Variants in XRCC4 observed in about 807,000 individuals in gnomAD.
XRCC4 encodes X-ray repair cross complementing 4.
In XRCC4, 28 loss-of-function variants were observed where a neutral mutation model predicts 39.1. The ratio of observed to expected loss-of-function variants is 0.72; its 90% CI spans 0.53 to 0.98. XRCC4 has a LOEUF of 0.98. Ranked by LOEUF, XRCC4 falls within the 50% of genes least tolerant of loss-of-function variation. The probability of loss-of-function intolerance (pLI) is 0.00; values close to 1 mark genes in which losing one functional copy is unlikely to be tolerated. For missense variants in XRCC4, 350 were observed against 376.4 expected, an observed-to-expected ratio of 0.93 and a Z score of 0.58; for synonymous variants, 123 against 126.4, an observed-to-expected ratio of 0.97 and a Z score of 0.18.
intron 7 of XRCC4, among the ~76,000 whole-genome samples, chr5:83,333,337 T>C (rs138196256): frequency 2.0e-5 from 3 of 152,230 alleles, no homozygotes; most frequent in African/African-American, 7.2e-5. Flanking sequence ...ATACTTTCAA[T>C]GTGTGAGTTA....
intron 7 of XRCC4, among the ~76,000 whole-genome samples, chr5:83,269,894 C>T (rs1218723100): frequency 1.3e-5 from 2 of 152,178 alleles, no homozygotes; most frequent in East Asian, 3.9e-4. Flanking sequence ...GGGGGTGATT[C>T]AAGCACATTA....
chr5:83,328,833 A>G (rs1580518353), intron 7 of XRCC4, among the ~76,000 whole-genome samples: 1 of 152,180 alleles, frequency 6.6e-6, no homozygotes, highest in Non-Finnish European at 1.5e-5. Flanking sequence ...ACTCATGCAT[A>G]TATACAAATT....
At chr5:83,255,993 C>T (rs1753523610) in intron 6 of XRCC4, among the ~76,000 whole-genome samples, 2 of 152,142 alleles carry the variant, frequency 1.3e-5, no homozygotes, top group Non-Finnish European at 2.9e-5. Flanking sequence ...CTGTATAACA[C>T]TAGTACTTTT....
intron 3 of XRCC4, among the ~76,000 whole-genome samples, chr5:83,186,500 G>T (rs771871391): frequency 6.6e-6 from 1 of 152,032 alleles, no homozygotes; most frequent in Non-Finnish European, 1.5e-5. Flanking sequence ...TCTCTTGTAA[G>T]GACCATTGTG....
intron 1 of XRCC4, among the ~76,000 whole-genome samples, chr5:83,088,386 T>C (rs1745276284): frequency 6.6e-6 from 1 of 152,202 alleles, no homozygotes; most frequent in African/African-American, 2.4e-5. Context: ...AGAGTTCTCA[T>C]TGAACACAAA....
intron 7 of XRCC4, among the ~76,000 whole-genome samples, chr5:83,269,240 C>T (rs1340563309): frequency 6.6e-6 from 1 of 152,030 alleles, no homozygotes; most frequent in Non-Finnish European, 1.5e-5. Flanking sequence ...AGGCCTCTGC[C>T]TTTTATCTCC....
intron 7 of XRCC4, among the ~76,000 whole-genome samples, chr5:83,296,484 GTTC>G (rs1259037854): frequency 6.6e-6 from 1 of 152,048 alleles, no homozygotes; most frequent in South Asian, 2.1e-4. Context: ...TGCCATAGCT[GTTC>G]TTATTAGTAT....
At chr5:83,340,759 A>G (rs1170462688) in intron 7 of XRCC4, among the ~76,000 whole-genome samples, 3 of 152,180 alleles carry the variant, frequency 2.0e-5, no homozygotes, top group Non-Finnish European at 4.4e-5. Context: ...ATAAATTGGC[A>G]TTGTTCTAAG....
chr5:83,078,588 A>G (rs919005970), intron 1 of XRCC4, among the ~76,000 whole-genome samples: 4 of 152,340 alleles, frequency 2.6e-5, no homozygotes, highest in Admixed American at 2.0e-4. Context: ...GGATTCTGCT[A>G]TTTGTGTTTA....
chr5:83,180,067 G>A (rs765227704), intron 3 of XRCC4, among the ~76,000 whole-genome samples: 10 of 152,174 alleles, frequency 6.6e-5, no homozygotes, highest in Non-Finnish European at 1.5e-4. Context: ...CAGAGAAGCA[G>A]CTGATAATAG....
At chr5:83,369,847 G>A in the XRCC4 span, among the ~76,000 whole-genome samples, 1 of 152,070 alleles carries the variant, frequency 6.6e-6, no homozygotes, top group African/African-American at 2.4e-5. Context: ...ACAGTGGCAG[G>A]ACTAATTTAC....
At chr5:83,333,901 C>T (rs565593339) in intron 7 of XRCC4, among the ~76,000 whole-genome samples, 208 of 151,890 alleles carry the variant, frequency 1.4e-3, no homozygotes, top group Non-Finnish European at 5.4e-4. Flanking sequence ...TTCCAAGTAT[C>T]GGGGATTACA....
At chr5:83,235,334 C>CAAAAAAAAAAAA (rs57372204) in intron 6 of XRCC4, among the ~76,000 whole-genome samples, 1 of 58,734 alleles carries the variant, frequency 1.7e-5, no homozygotes, top group Non-Finnish European at 4.1e-5. Flanking sequence ...GACCCTATCT[C>CAAAAAAAAAAAA]AAAAAAAAAA....
At chr5:83,153,370 G>T (rs1453812486) in intron 3 of XRCC4, among the ~76,000 whole-genome samples, 1 of 151,924 alleles carries the variant, frequency 6.6e-6, no homozygotes, top group Non-Finnish European at 1.5e-5. Context: ...CACAATGCCC[G>T]GCTAATTTTT....
At chr5:83,268,333 A>C (rs1366010658) in intron 7 of XRCC4, among the ~76,000 whole-genome samples, 1 of 152,164 alleles carries the variant, frequency 6.6e-6, no homozygotes, top group African/African-American at 2.4e-5. Context: ...CCTACCACAA[A>C]AGATGGATAA....
intron 3 of XRCC4, among the ~76,000 whole-genome samples, chr5:83,135,029 A>G (rs74374165): frequency 6.6e-6 from 1 of 152,068 alleles, no homozygotes; most frequent in Non-Finnish European, 1.5e-5. Flanking sequence ...AACTGTTAAC[A>G]CTCACCGCGA....
intron 6 of XRCC4, among the ~76,000 whole-genome samples, chr5:83,238,249 A>C (rs897062645): frequency 6.6e-6 from 1 of 152,210 alleles, no homozygotes; most frequent in Non-Finnish European, 1.5e-5. Context: ...GGTCTGAGCT[A>C]GAACATTTCT....
chr5:83,203,771 GT>G, intron 5 of XRCC4, 64 bp downstream of exon 5: 5 of 1,576,198 alleles, frequency 3.2e-6, no homozygotes, highest in Non-Finnish European at 4.3e-6. Flanking sequence ...TCTTCCCAAA[GT>G]TAATGAACAT....
chr5:83,278,522 C>T (rs1238751284), intron 7 of XRCC4, among the ~76,000 whole-genome samples: 7 of 152,158 alleles, frequency 4.6e-5, no homozygotes, highest in African/African-American at 1.7e-4. Context: ...TTTCATGCTG[C>T]ATCTTCACAA....
Sources: gnomAD v4.1 joint callset for allele counts (sites outside exome capture counted in the v4.1 genomes callset) on GRCh38, gnomAD v4.1.1 for gene constraint, MANE v1.5 for transcripts, NCBI Gene and HGNC (gene_info 2026-07-23, HGNC 2026-07-21) for gene names.